The following EXOC3L2 variants were observed in gnomAD, a reference collection of about 807,000 sequenced individuals.
EXOC3L2 encodes the protein exocyst complex component 3 like 2.
EXOC3L2 carries 17 observed loss-of-function variants against 44.4 expected under a neutral mutation model. That is an observed-to-expected ratio of 0.38 (90% CI 0.26 to 0.57). The LOEUF (loss-of-function observed/expected upper bound fraction) is 0.57. Ranked by LOEUF, EXOC3L2 falls within the 20% of genes least tolerant of loss-of-function variation. EXOC3L2 has a pLI of 0.65. For missense variants in EXOC3L2, 541 were observed against 588.4 expected, an observed-to-expected ratio of 0.92 and a Z score of 0.83; for synonymous variants, 256 against 253.7, an observed-to-expected ratio of 1.01 and a Z score of -0.09.
chr19:45,227,348 C>T (rs1455698582), intron 7 of EXOC3L2, among the ~76,000 whole-genome samples: 14 of 151,732 alleles, frequency 9.2e-5, no homozygotes, highest in African/African-American at 3.1e-4. Flanking sequence ...GTCTCGATCT[C>T]CTGACCTCGT....
rs533094512 is a variant in EXOC3L2, at chr19:45,233,019, C to A, written c.1158-1145G>T. On this transcript the variant is annotated intron_variant, in intron 3 of 11. Transcript: ENST00000413988. Reference sequence around the variant, plus strand: ...TCACCTGAGGTTAGGAGTTCAAGACCAGCCTGGCCAACATGGTGAAACCCC... The same window carrying A: ...TCACCTGAGGTTAGGAGTTCAAGACAAGCCTGGCCAACATGGTGAAACCCC... Among the ~76,000 whole-genome samples the A allele has an allele frequency of 1.3e-3, 197 of 152,248 alleles. 1 individual carries two copies. The highest frequency in any genetic ancestry group is 4.6e-3 in the African/African-American group (191 of 41,546).
chr19:45,225,047 C>G, intron 7 of EXOC3L2, 134 bp from the exon 8 acceptor site: 1 of 1,176,060 alleles, frequency 8.5e-7, no homozygotes, highest in Non-Finnish European at 1.1e-6. Context: ...AGGTCAGGGA[C>G]TCTGGAGAGG....
At chr19:45,216,031 C>CGGCCA in intron 11 of EXOC3L2, 42 bp downstream of exon 11, 6 of 1,607,252 alleles carry the variant, frequency 3.7e-6, no homozygotes, top group Non-Finnish European at 5.1e-6. Context: ...CAGGAGACCT[C>CGGCCA]GGCCAGGCAC....
At position 45,228,044 on chromosome 19, in the gene EXOC3L2, G is replaced by C; in HGVS notation, c.1402C>G (p.Arg468Gly). The change falls in exon 6 of 12, where the codon CGC (arginine) becomes GGC (glycine). Residue 468 changes from arginine to glycine, a missense_variant. Coordinates refer to ENST00000413988, the MANE Select transcript of EXOC3L2 (RefSeq NM_001382422.1). ...CGCTCCCCAAACTCCTGGCTGATGCGGGGTGCTCGCTCTGTGTGCTCTTCC... is the reference window on the plus strand; with the variant it reads ...CGCTCCCCAAACTCCTGGCTGATGCCGGGTGCTCGCTCTGTGTGCTCTTCC... ...LLEEHTERAP[R>G]ISQEFGERMA... The C allele has an allele frequency of 1.2e-6, 2 of 1,614,074 alleles. No individual in the cohort carries two copies. Among genetic ancestry groups the C allele is most frequent in the Non-Finnish European group, 1.7e-6 (2 of 1,180,024 alleles).
chr19:45,217,660 C>T lies in EXOC3L2; in HGVS notation c.1866G>A (p.Arg622=). The change falls in exon 10 of 12, where the codon CGG becomes CGA. Residue 622 remains arginine (R), a synonymous_variant. Coordinates refer to ENST00000413988, the MANE Select transcript of EXOC3L2 (RefSeq NM_001382422.1). ...GCCGCACGTACTCGACCAGCGCCCG[C>T]CGGTGTAGCTCGGCTACCAGCGCCT... The part of the protein sequence containing the change: ...PYQALVAELH[R]RALVEYVRPL... The T allele has an allele frequency of 2.1e-6, 3 of 1,420,204 alleles. No individual in the cohort carries two copies. Among genetic ancestry groups the T allele is most frequent in the Non-Finnish European group, 2.7e-6 (3 of 1,095,658 alleles). 88.0% of individuals were successfully genotyped at this position (1,420,204 alleles called of 1,614,324 possible).
intron 8 of EXOC3L2, among the ~76,000 whole-genome samples, chr19:45,224,286 G>A (rs992172245): frequency 6.6e-6 from 1 of 152,098 alleles, no homozygotes; most frequent in African/African-American, 2.4e-5. Context: ...TTTGCTCTGC[G>A]TGAGCTGGGA....
chr19:45,239,359 A>G (rs1213951947), intron 1 of EXOC3L2, among the ~76,000 whole-genome samples: 2 of 150,144 alleles, frequency 1.3e-5, no homozygotes, highest in African/African-American at 4.9e-5. Context: ...CTGGGACTAC[A>G]GGCGCCCACC....
chr19:45,213,855 G>A (rs1394543262), intron 11 of EXOC3L2, among the ~76,000 whole-genome samples: 4 of 151,806 alleles, frequency 2.6e-5, no homozygotes, highest in Non-Finnish European at 4.4e-5. Flanking sequence ...TCAGGAGTCT[G>A]AGGCAAGAGA....
chr19:45,218,547 G>A (rs926619880), intron 8 of EXOC3L2, among the ~76,000 whole-genome samples: 12 of 152,198 alleles, frequency 7.9e-5, no homozygotes, highest in African/African-American at 2.4e-4. Context: ...GCTGGGACTC[G>A]GGAACCCAGG....
At position 45,216,119 on chromosome 19, in the gene EXOC3L2, T is replaced by C. The variant is rs996284393; in HGVS notation, c.2074A>G (p.Ile692Val). Reference protein sequence around the residue: ...EVMQLEDTPSIQVEVGVLVRD... With the variant: ...EVMQLEDTPSVQVEVGVLVRD... The stretch of plus-strand genomic sequence containing the variant: ...ACCAACACTCCCACCTCCACCTGGA[T>C]GCTGGGCGTGTCTTCCAGCTGCATG... Residue 692 changes from isoleucine to valine, a missense_variant, in exon 11 of 12, where the codon ATC (isoleucine) becomes GTC (valine). By Grantham distance (29) the Ile-to-Val change is conservative. Coordinates refer to ENST00000413988, the MANE Select transcript of EXOC3L2 (RefSeq NM_001382422.1). The C allele has an allele frequency of 6.2e-7, 1 of 1,613,902 alleles. No homozygotes were observed. The highest frequency in any genetic ancestry group is 8.5e-7 in the Non-Finnish European group (1 of 1,179,974).
Position 45,238,433 on chromosome 19 carries a change from G to T in EXOC3L2, c.523+90C>A. 2.5e-6 allele frequency: 1 copy of T among 399,548 alleles called. No individual in the cohort carries two copies. Among genetic ancestry groups the T allele is most frequent in the South Asian group, 1.3e-4 (1 of 7,776 alleles). The allele number at this position is 399,548 out of a possible 1,614,324, so 24.8% of individuals were successfully genotyped here. On this transcript the variant is annotated intron_variant, in intron 2 of 11. Transcript: ENST00000413988. This position sits in a 1 kb window ranked among gnomAD's most constrained non-coding sequence, Gnocchi z 5.5. ...GGGGTCACAGGTGGTAGCTGGGATG[G>T]GCTTAAGTATGAAGCCTGGGACCAC...
chr19:45,228,099 G>C, intron 5 of EXOC3L2, 25 bp from the exon 6 acceptor site: 1 of 1,614,064 alleles, frequency 6.2e-7, no homozygotes, highest in Non-Finnish European at 8.5e-7. Flanking sequence ...GCGACAAGAA[G>C]AGGTGAGGAG....
At chr19:45,214,169 C>T (rs190909705) in intron 11 of EXOC3L2, among the ~76,000 whole-genome samples, 28 of 152,220 alleles carry the variant, frequency 1.8e-4, no homozygotes, top group Admixed American at 1.8e-3. Flanking sequence ...CCATGGGACT[C>T]CAGGAATATG....
intron 11 of EXOC3L2, 62 bp downstream of exon 11, chr19:45,216,011 C>A: frequency 6.3e-7 from 1 of 1,595,882 alleles, no homozygotes. Flanking sequence ...GGGACGGATG[C>A]CAAGGCCGCC....
intron 8 of EXOC3L2, among the ~76,000 whole-genome samples, chr19:45,221,172 C>T (rs1201735738): frequency 6.6e-6 from 1 of 151,770 alleles, no homozygotes; most frequent in Admixed American, 6.6e-5. Context: ...TGCTCTCTCA[C>T]CCTGACAGCA....
intron 1 of EXOC3L2, among the ~76,000 whole-genome samples, chr19:45,243,588 C>T (rs1372920805): frequency 6.6e-6 from 1 of 152,172 alleles, no homozygotes; most frequent in Non-Finnish European, 1.5e-5. Context: ...GCAATAGATA[C>T]TCCCCCATGC....
At chr19:45,223,413 G>T (rs1969919619) in intron 8 of EXOC3L2, among the ~76,000 whole-genome samples, 1 of 152,016 alleles carries the variant, frequency 6.6e-6, no homozygotes, top group African/African-American at 2.4e-5. Context: ...TGCGATCTTG[G>T]CTCACTGCAA....
At chr19:45,220,785 T>A (rs774393872) in intron 8 of EXOC3L2, among the ~76,000 whole-genome samples, 5 of 148,574 alleles carry the variant, frequency 3.4e-5, no homozygotes, top group Non-Finnish European at 6.0e-5. Context: ...AGGGAGAGGG[T>A]CAGATTTGTG....
rs544309496 is a variant in EXOC3L2, at chr19:45,243,102, G to A, written c.-17+2239C>T. Among the ~76,000 whole-genome samples the A allele has an allele frequency of 2.0e-5, 3 of 152,182 alleles. No homozygotes were observed. In the South Asian group the frequency reaches 6.2e-4, roughly 32 times the overall value. ...TCATACTATTTGTATCTTGCAACTT[G>A]CTTTAAAATTTATTTTTTTGCTCAC... On this transcript the variant is annotated intron_variant, in intron 1 of 11. Coordinates refer to ENST00000413988, the MANE Select transcript of EXOC3L2 (RefSeq NM_001382422.1).
Sources: allele counts gnomAD v4.1 joint callset (sites outside exome capture counted in the v4.1 genomes callset), GRCh38; gene constraint gnomAD v4.1.1; non-coding constraint Gnocchi (gnomAD v3.1); transcripts MANE v1.5; gene names NCBI Gene and HGNC (gene_info 2026-07-23, HGNC 2026-07-21).